Variants in STAU2 observed in about 807,000 individuals in gnomAD.
The protein encoded by STAU2 is staufen double-stranded RNA binding protein 2.
In STAU2, 20 loss-of-function variants were observed where a neutral mutation model predicts 65.9. The ratio of observed to expected loss-of-function variants is 0.30; its 90% confidence interval spans 0.21 to 0.44. The LOEUF (loss-of-function observed/expected upper bound fraction) is 0.44. Among genes scored for constraint, STAU2 ranks in the 20% least tolerant of loss-of-function variants. The pLI is 1.00. For synonymous variants in STAU2, 232 were observed against 233.9 expected (o/e 0.99, Z 0.07); for missense variants, 558 against 683.9 (o/e 0.82, Z 2.05).
chr8:73,561,495 T>C (rs1442959497), intron 12 of STAU2: 1 of 451,802 alleles, frequency 2.2e-6, no homozygotes, highest in Middle Eastern at 3.3e-4. Context: ...ATCGTTCTTC[T>C]TGGTTATGAT....
At chr8:73,655,864 A>G (rs28792187) in intron 6 of STAU2, among the ~76,000 whole-genome samples, 10,980 of 151,412 alleles carry the variant, frequency 0.073, 436 homozygotes, top group Middle Eastern at 0.15. Context: ...TAGCCAGGAT[A>G]GTCTCAATCT....
intron 4 of STAU2, among the ~76,000 whole-genome samples, chr8:73,708,018 A>G (rs1290714700): frequency 6.6e-6 from 1 of 152,254 alleles, no homozygotes; most frequent in African/African-American, 2.4e-5. Context: ...CAACATGATT[A>G]AGGGCAGAAT....
intron 3 of STAU2, among the ~76,000 whole-genome samples, chr8:73,714,652 A>G (rs1349214162): frequency 6.6e-6 from 1 of 152,242 alleles, no homozygotes; most frequent in East Asian, 1.9e-4. Flanking sequence ...AAAGGAACCT[A>G]GAAGCCATAA....
intron 12 of STAU2, among the ~76,000 whole-genome samples, chr8:73,572,643 GA>G (rs1563431286): frequency 6.6e-6 from 1 of 151,854 alleles, no homozygotes; most frequent in African/African-American, 2.4e-5. Flanking sequence ...AACCAAAGAC[GA>G]AAACCACGAT....
intron 12 of STAU2, among the ~76,000 whole-genome samples, chr8:73,571,425 C>T (rs951402498): frequency 1.7e-4 from 26 of 152,192 alleles, no homozygotes; most frequent in African/African-American, 5.8e-4. Context: ...ACTCTCCACC[C>T]CAAATCAACA....
At chr8:73,558,551 G>A (rs78935138) in intron 12 of STAU2, among the ~76,000 whole-genome samples, 8,944 of 152,232 alleles carry the variant, frequency 0.059, 682 homozygotes, top group African/African-American at 0.18. Flanking sequence ...GGTTTTATAA[G>A]CGAACTTAGG....
At chr8:73,609,500 A>G (rs1812284528) in intron 9 of STAU2, among the ~76,000 whole-genome samples, 1 of 151,974 alleles carries the variant, frequency 6.6e-6, no homozygotes, top group Non-Finnish European at 1.5e-5. Context: ...AAAAATACAA[A>G]AAAATTAGCT....
At chr8:73,451,744 A>AT (rs1323539498) in intron 13 of STAU2, among the ~76,000 whole-genome samples, 1 of 151,906 alleles carries the variant, frequency 6.6e-6, no homozygotes, top group East Asian at 1.9e-4. Context: ...CTTGGCTTTT[A>AT]TTTTTTTAAT....
chr8:73,501,660 T>C (rs968064244), intron 13 of STAU2, among the ~76,000 whole-genome samples: 1 of 151,954 alleles, frequency 6.6e-6, no homozygotes, highest in African/African-American at 2.4e-5. Context: ...CTTAGATTTC[T>C]CTTTGCCTTT....
intron 13 of STAU2, among the ~76,000 whole-genome samples, chr8:73,437,841 GC>G (rs1240007391): frequency 1.3e-5 from 2 of 152,078 alleles, no homozygotes; most frequent in African/African-American, 4.8e-5. Context: ...TCGCCCTCCT[GC>G]TGCAGTGGCC....
At chr8:73,478,305 TAAAAAAA>T (rs10660977) in intron 13 of STAU2, among the ~76,000 whole-genome samples, 2 of 77,518 alleles carry the variant, frequency 2.6e-5, no homozygotes, top group East Asian at 3.7e-4. Context: ...ACTGATGAGC[TAAAAAAA>T]AAAAAAAAAA....
intron 6 of STAU2, among the ~76,000 whole-genome samples, chr8:73,669,808 T>C (rs1817538564): frequency 6.6e-6 from 1 of 152,236 alleles, no homozygotes; most frequent in African/African-American, 2.4e-5. Context: ...GATTAGTGTC[T>C]GACTTTTCAT....
chr8:73,538,933 C>T (rs1436868845), intron 13 of STAU2, among the ~76,000 whole-genome samples: 2 of 152,152 alleles, frequency 1.3e-5, no homozygotes, highest in Non-Finnish European at 2.9e-5. Context: ...TCATTCACTT[C>T]AATGAAAAAA....
At chr8:73,421,533 C>T (rs1816375149) in intron 14 of STAU2, 68 bp from the exon 15 acceptor site, 1 of 1,428,898 alleles carries the variant, frequency 7.0e-7, no homozygotes, top group Admixed American at 2.0e-5. Flanking sequence ...TGTTTATTAG[C>T]AGATGGCACA....
chr8:73,556,040 T>C (rs1027764206), intron 12 of STAU2, among the ~76,000 whole-genome samples: 3 of 152,204 alleles, frequency 2.0e-5, no homozygotes, highest in Non-Finnish European at 4.4e-5. Context: ...TAAAGATATG[T>C]TTTTAATCCT....
At chr8:73,528,576 T>C (rs1212062335) in intron 13 of STAU2, among the ~76,000 whole-genome samples, 1 of 152,144 alleles carries the variant, frequency 6.6e-6, no homozygotes, top group Admixed American at 6.5e-5. Flanking sequence ...AAAAAGAGCA[T>C]CACTTTCGTA....
intron 4 of STAU2, among the ~76,000 whole-genome samples, chr8:73,699,639 C>G (rs1318596553): frequency 6.6e-6 from 1 of 151,954 alleles, no homozygotes; most frequent in African/African-American, 2.4e-5. Context: ...AAAACCTGAG[C>G]AGACCAATAA....
chr8:73,477,297 C>T (rs960877107), intron 13 of STAU2, among the ~76,000 whole-genome samples: 4 of 152,092 alleles, frequency 2.6e-5, no homozygotes, highest in Admixed American at 6.6e-5. Flanking sequence ...CTTTACACAC[C>T]GTAGGATCTC....
At chr8:73,568,571 A>G (rs1284387863) in intron 12 of STAU2, among the ~76,000 whole-genome samples, 3 of 151,684 alleles carry the variant, frequency 2.0e-5, no homozygotes, top group African/African-American at 7.3e-5. Context: ...CCACTGCACA[A>G]CTGACAGAAT....
Sources: gnomAD v4.1 joint callset for allele counts (sites outside exome capture counted in the v4.1 genomes callset) on GRCh38, gnomAD v4.1.1 for gene constraint, MANE v1.5 for transcripts, NCBI Gene and HGNC (gene_info 2026-07-23, HGNC 2026-07-21) for gene names.